Variants in TXLNA observed in about 807,000 individuals in gnomAD.
TXLNA encodes the protein alpha-taxilin.
TXLNA carries 9 observed loss-of-function variants against 61.4 expected under a neutral mutation model. The ratio of observed to expected loss-of-function variants is 0.15; its 90% CI spans 0.09 to 0.26. TXLNA has a LOEUF of 0.26. Among genes scored for constraint, TXLNA ranks in the 10% least tolerant of loss-of-function variants. The pLI, the probability that TXLNA is intolerant of heterozygous loss-of-function variation, is 1.00. For missense variants in TXLNA, 565 were observed against 688.8 expected, an observed-to-expected ratio of 0.82 and a Z score of 2.01; for synonymous variants, 257 against 267.7, an observed-to-expected ratio of 0.96 and a Z score of 0.39.
Position 32,195,151 on chromosome 1 carries a change from T to G in TXLNA, c.1597T>G (p.Ser533Ala). ...CCCAGGAGCACCGAGCACAGAAGCATCAGGCCAGACTGGGCCTCAAGAGCC... is the reference window on the plus strand; with the variant it reads ...CCCAGGAGCACCGAGCACAGAAGCAGCAGGCCAGACTGGGCCTCAAGAGCC... Reference protein sequence around the residue: ...CYPGAPSTEASGQTGPQEPTS... With the variant: ...CYPGAPSTEAAGQTGPQEPTS... Residue 533 changes from serine to alanine, a missense_variant, in exon 11 of 11, where the codon TCA becomes GCA. Transcript: ENST00000373610. 1 of 1,613,178 alleles carries G rather than the reference T, an allele frequency of 6.2e-7. No individual in the cohort carries two copies. Among genetic ancestry groups the G allele is most frequent in the Non-Finnish European group, 8.5e-7 (1 of 1,179,578 alleles).
At chr1:32,184,658 AATCAGC>A (rs1218591960) in intron 4 of TXLNA, 42 bp downstream of exon 4, 1 of 1,404,306 alleles carries the variant, frequency 7.1e-7, no homozygotes, top group Admixed American at 1.8e-5. Flanking sequence ...GCGTTGGGAA[AATCAGC>A]ATGCCACCTG....
At chr1:32,185,308 C>CT (rs777867233) in intron 4 of TXLNA, among the ~76,000 whole-genome samples, 8 of 152,188 alleles carry the variant, frequency 5.3e-5, no homozygotes, top group Non-Finnish European at 1.2e-4. Flanking sequence ...CATCAGGTCC[C>CT]TTGTCAGAAT....
At chr1:32,189,026 A>G (rs150711415) in intron 5 of TXLNA, among the ~76,000 whole-genome samples, 1 of 152,312 alleles carries the variant, frequency 6.6e-6, no homozygotes, top group Admixed American at 6.5e-5. Flanking sequence ...GTACCATTTC[A>G]TATCCTGTGC....
At position 32,180,511 on chromosome 1, in the gene TXLNA, G is replaced by A. The variant is rs1364041181; in HGVS notation, c.166G>A (p.Glu56Lys). Residue 56 changes from glutamate to lysine, a missense_variant, in exon 2 of 11, where the codon GAG becomes AAG. By Grantham distance (56) the Glu-to-Lys change is moderately conservative (BLOSUM62 1). Coordinates refer to ENST00000373610, the MANE Select transcript of TXLNA (RefSeq NM_175852.4). ...PGSSQAPRKP[E>K]GAQARTAQSG... ...CAGCAGCCAGGCTCCTCGGAAGCCG[G>A]AGGGTGTGTGCCAGCTCTGCGTTGC... 2 of 1,598,718 alleles carry A rather than the reference G, an allele frequency of 1.3e-6. No individual in the cohort carries two copies. The highest frequency in any genetic ancestry group is 2.2e-5 in the South Asian group (2 of 89,610).
chr1:32,181,093 A>G (rs924034510), intron 2 of TXLNA, 149 bp from the exon 3 acceptor site: 13 of 553,948 alleles, frequency 2.3e-5, no homozygotes, highest in Non-Finnish European at 3.9e-5. Flanking sequence ...TTGCTGAATG[A>G]TACTCCATTC....
Position 32,192,791 on chromosome 1 carries a change from G to A in TXLNA, c.1158+60G>A. On this transcript the variant is annotated intron_variant, in intron 8 of 10. Coordinates refer to ENST00000373610, the MANE Select transcript of TXLNA (RefSeq NM_175852.4). The surrounding 1 kb of genome is among the most constrained non-coding windows in gnomAD (Gnocchi z 4.2). ...TTTCCCTCACTGGGCCCCATCCTGG[G>A]GGTAGTGAAATGGGACCCTCATTCT... 6.3e-7 allele frequency: 1 copy of A among 1,575,392 alleles called. No individual in the cohort carries two copies. Among genetic ancestry groups the A allele is most frequent in the Non-Finnish European group, 8.7e-7 (1 of 1,145,742 alleles).
In TXLNA at chr1:32,197,241, A is replaced by AG; in HGVS notation, c.*2050dup. ...GGTATGCACCTTCCCCCTTGAAGAGAGGGGAAAGGCCTACAGTGGCCCACA... is the reference window on the plus strand; with the variant it reads ...GGTATGCACCTTCCCCCTTGAAGAGAGGGGGAAAGGCCTACAGTGGCCCACA... On this transcript the variant is annotated 3_prime_UTR_variant, in exon 11 of 11. Transcript: ENST00000373610. This position sits in a 1 kb window ranked among gnomAD's most constrained non-coding sequence, Gnocchi z 4.6. 6.6e-6 allele frequency: 1 copy of AG among 152,196 alleles called. No homozygotes were observed. Among genetic ancestry groups the AG allele is most frequent in the Non-Finnish European group, 1.5e-5 (1 of 68,076 alleles). 9.4% of individuals were successfully genotyped at this position (152,196 alleles called of 1,614,324 possible).
chr1:32,197,603 G>C lies in TXLNA; in HGVS notation c.*2408G>C, dbSNP rs1643052065. ...GGTGCCTATCCATGAGTGAAGGCCA[G>C]TGTCTTCCTCACCTGGGTGGGTCCC... On this transcript the variant is annotated 3_prime_UTR_variant, in exon 11 of 11. Transcript: ENST00000373610. This position sits in a 1 kb window ranked among gnomAD's most constrained non-coding sequence, Gnocchi z 4.6. The C allele has an allele frequency of 6.6e-6, 1 of 152,316 alleles. No homozygotes were observed. Among genetic ancestry groups the C allele is most frequent in the African/African-American group, 2.4e-5 (1 of 41,474 alleles). The allele number at this position is 152,316 out of a possible 1,614,324, so 9.4% of individuals were successfully genotyped here. A position where few individuals can be genotyped will look rare whatever the true frequency, so the allele number is the denominator to read the frequency against.
At position 32,181,157 on chromosome 1, in the gene TXLNA, A is replaced by T. The variant is rs949223253; in HGVS notation, c.170-85A>T. On this transcript the variant is annotated intron_variant, in intron 2 of 10. Transcript: ENST00000373610. ...GTTAGGCAACATTTAACTCAAACTGATGAGTTTGGCTGGGCCTGAAAAATC... is the reference window on the plus strand; with the variant it reads ...GTTAGGCAACATTTAACTCAAACTGTTGAGTTTGGCTGGGCCTGAAAAATC... 5.0e-6 allele frequency: 6 copies of T among 1,196,874 alleles called. No homozygotes were observed. In the African/African-American group the frequency reaches 7.6e-5, roughly 15 times the overall value. The allele number at this position is 1,196,874 out of a possible 1,614,324, so 74.1% of individuals were successfully genotyped here. A position where few individuals can be genotyped will look rare whatever the true frequency, so the allele number is the denominator to read the frequency against.
At position 32,192,734 on chromosome 1, in the gene TXLNA, G is replaced by T; in HGVS notation, c.1158+3G>T. 3.1e-6 allele frequency: 5 copies of T among 1,614,084 alleles called. No individual in the cohort carries two copies. The highest frequency in any genetic ancestry group is 4.2e-6 in the Non-Finnish European group (5 of 1,179,932). On this transcript the variant is annotated splice_donor_region_variant and intron_variant, in intron 8 of 10. Coordinates refer to ENST00000373610, the MANE Select transcript of TXLNA (RefSeq NM_175852.4). The surrounding 1 kb of genome is among the most constrained non-coding windows in gnomAD (Gnocchi z 4.2). ...AAGAGACCCACCTGAAGCAACAGGT[G>T]AGAGCATATAACCTGACCCTGTGCC... is the stretch of plus-strand genomic sequence containing the variant.
At chr1:32,189,134 T>G (rs1642850887) in intron 5 of TXLNA, among the ~76,000 whole-genome samples, 1 of 152,176 alleles carries the variant, frequency 6.6e-6, no homozygotes, top group Admixed American at 6.5e-5. Context: ...GTTAAAGCAT[T>G]TTGGGGGTTG....
chr1:32,189,431 C>G (rs1055730852), intron 5 of TXLNA, among the ~76,000 whole-genome samples: 1 of 152,098 alleles, frequency 6.6e-6, no homozygotes, highest in Non-Finnish European at 1.5e-5. Flanking sequence ...ACAGAGGGGA[C>G]AAATGCACAT....
intron 2 of TXLNA, 54 bp from the exon 3 acceptor site, chr1:32,181,188 C>T: frequency 1.4e-6 from 2 of 1,422,946 alleles, no homozygotes; most frequent in South Asian, 3.2e-5. Context: ...AAATCCCAAC[C>T]AGTGGTATAA....
chr1:32,182,459 C>G (rs1642685445), intron 3 of TXLNA, among the ~76,000 whole-genome samples: 2 of 151,438 alleles, frequency 1.3e-5, no homozygotes, highest in Non-Finnish European at 2.9e-5. Flanking sequence ...GTCAGGAGTT[C>G]GAGAACAGCC....
intron 3 of TXLNA, among the ~76,000 whole-genome samples, chr1:32,181,887 T>C (rs1642670982): frequency 6.6e-6 from 1 of 152,134 alleles, no homozygotes; most frequent in South Asian, 2.1e-4. Flanking sequence ...CTGTGTGACC[T>C]TGGGTGTGTC....
chr1:32,185,461 C>A lies in TXLNA; in HGVS notation c.597+845C>A, dbSNP rs904991985. Among the ~76,000 whole-genome samples the A allele has an allele frequency of 3.3e-5, 5 of 151,804 alleles. No individual in the cohort carries two copies. The East Asian group carries it at 9.6e-4, about 29-fold the overall frequency. Reference sequence around the variant, plus strand: ...AGGCTGGGGTGCAGTGGCACGATCTCGGCTCGCTGCAAGCTCCGCCTTCTG... The same window carrying A: ...AGGCTGGGGTGCAGTGGCACGATCTAGGCTCGCTGCAAGCTCCGCCTTCTG... On this transcript the variant is annotated intron_variant, in intron 4 of 10. Transcript: ENST00000373610.
chr1:32,180,248 G>T lies in TXLNA; in HGVS notation c.-32-66G>T, dbSNP rs966961355. 4.2e-5 allele frequency: 60 copies of T among 1,438,486 alleles called. No individual in the cohort carries two copies. Among genetic ancestry groups the T allele is most frequent in the Non-Finnish European group, 5.2e-5 (56 of 1,080,576 alleles). 89.1% of individuals were successfully genotyped at this position (1,438,486 alleles called of 1,614,324 possible). A position where few individuals can be genotyped will look rare whatever the true frequency, so the allele number is the denominator to read the frequency against. ...AGAAGCTTTGTGCGCCTGCTGTGGG[G>T]ATTTCTGATCCAGGCTGCGAAGAAT... On this transcript the variant is annotated intron_variant, in intron 1 of 10. Coordinates refer to ENST00000373610, the MANE Select transcript of TXLNA (RefSeq NM_175852.4).
Position 32,180,486 on chromosome 1 carries a change from C to T in TXLNA, c.141C>T (p.Gly47=). The change falls in exon 2 of 11, where the codon GGC becomes GGT. Residue 47 remains glycine, a synonymous_variant. Transcript: ENST00000373610. ...AAPAVEAEGP[G]SSQAPRKPEG... ...CTGCAGTAGAAGCAGAAGGTCCCGG[C>T]AGCAGCCAGGCTCCTCGGAAGCCGG... 2 of 1,608,896 alleles carry T rather than the reference C, an allele frequency of 1.2e-6. No homozygotes were observed. The highest frequency in any genetic ancestry group is 1.7e-6 in the Non-Finnish European group (2 of 1,177,690).
In TXLNA at chr1:32,193,270, A is replaced by G. The variant is rs541169632; in HGVS notation, c.1221A>G (p.Val407=). The change falls in exon 9 of 11, where the codon GTA becomes GTG. Residue 407 remains valine, a synonymous_variant. Transcript: ENST00000373610. ...ACACACTTTCCAAAAGCAGCGAGGT[A>G]TTCACCACATTCAAGCAGGAGATGG... is the stretch of plus-strand genomic sequence containing the variant. ...FQNTLSKSSE[V]FTTFKQEMEK... The G allele has an allele frequency of 1.0e-4, 166 of 1,613,560 alleles. 3 individuals are homozygous for G. In the South Asian group the frequency reaches 1.7e-3, roughly 17 times the overall value.
Sources: allele counts gnomAD v4.1 joint callset (sites outside exome capture counted in the v4.1 genomes callset), GRCh38; gene constraint gnomAD v4.1.1; non-coding constraint Gnocchi (gnomAD v3.1); transcripts MANE v1.5; gene names NCBI Gene and HGNC (gene_info 2026-07-23, HGNC 2026-07-21).